The following COX6B1 variants were observed in gnomAD, a reference collection of about 807,000 sequenced individuals.
COX6B1 encodes cytochrome c oxidase subunit 6B1, also known as COX VIb-1.
COX6B1 carries 2 observed loss-of-function variants against 14.0 expected under a neutral mutation model. The observed-to-expected ratio is 0.14, with a 90% confidence interval of 0.06 to 0.45. The LOEUF (loss-of-function observed/expected upper bound fraction) is 0.45, where lower values mean the gene tolerates loss of function less well. Among genes scored for constraint, COX6B1 ranks in the 20% least tolerant of loss-of-function variants. The probability of loss-of-function intolerance (pLI) is 0.98; values close to 1 mark genes in which losing one functional copy is unlikely to be tolerated. For synonymous variants in COX6B1, 30 were observed against 39.7 expected (o/e 0.76, Z 0.92); for missense variants, 81 against 114.2 (o/e 0.71, Z 1.33).
chr19:35,658,745 A>G lies in COX6B1; in HGVS notation c.*98A>G. On this transcript the variant is annotated 3_prime_UTR_variant, in exon 4 of 4. Transcript: ENST00000649813. ...GATCCCCACCCCAGGATCCTAAATC[A>G]TGACTTACCTGCTAATAAAAACTCA... The G allele has an allele frequency of 9.2e-7, 1 of 1,084,890 alleles. No individual in the cohort carries two copies. Among genetic ancestry groups the G allele is most frequent in the African/African-American group, 1.5e-5 (1 of 64,738 alleles). 67.2% of individuals were successfully genotyped at this position (1,084,890 alleles called of 1,614,324 possible). A position where few individuals can be genotyped will look rare whatever the true frequency, so the allele number is the denominator to read the frequency against.
intron 1 of COX6B1, among the ~76,000 whole-genome samples, 153 bp from the exon 2 acceptor site, chr19:35,651,080 G>A (rs781084001): frequency 2.0e-5 from 3 of 152,066 alleles, no homozygotes; most frequent in Admixed American, 6.6e-5. Flanking sequence ...GTGTGGATTC[G>A]CCCTGCCCCT....
intron 1 of COX6B1, chr19:35,648,699 G>A (rs1967788492): frequency 2.5e-6 from 1 of 399,020 alleles, no homozygotes; most frequent in Admixed American, 2.8e-5. Context: ...AAGCGACCTA[G>A]CTGAACCTAC....
intron 3 of COX6B1, among the ~76,000 whole-genome samples, chr19:35,656,049 G>T (rs889449350): frequency 1.3e-5 from 2 of 151,880 alleles, no homozygotes; most frequent in African/African-American, 4.8e-5. Flanking sequence ...GACTGGTCTC[G>T]AACTCCTGAG....
chr19:35,656,450 C>T (rs1301751593), intron 3 of COX6B1, among the ~76,000 whole-genome samples: 2 of 147,586 alleles, frequency 1.4e-5, no homozygotes, highest in Admixed American at 6.8e-5. Flanking sequence ...ACCGCTGGCA[C>T]TTATTATGGG....
At chr19:35,649,140 A>G (rs1967796220) in intron 1 of COX6B1, among the ~76,000 whole-genome samples, 1 of 152,072 alleles carries the variant, frequency 6.6e-6, no homozygotes, top group African/African-American at 2.4e-5. Flanking sequence ...GAGACATTAT[A>G]TTAAAGGTGT....
At chr19:35,658,535 TAAG>T in intron 3 of COX6B1, 56 bp from the exon 4 acceptor site, 1 of 1,485,608 alleles carries the variant, frequency 6.7e-7, no homozygotes, top group Non-Finnish European at 9.4e-7. Flanking sequence ...GTGAGGAAGA[TAAG>T]AAGTCCATCC....
rs975955484 is a variant in COX6B1 at position 35,658,516 on chromosome 19, G to C, written c.208-78G>C. The C allele has an allele frequency of 4.5e-6, 6 of 1,326,892 alleles. No individual in the cohort carries two copies. The African/African-American group carries it at 7.2e-5, about 16-fold the overall frequency. 82.2% of individuals were successfully genotyped at this position (1,326,892 alleles called of 1,614,324 possible). On this transcript the variant is annotated intron_variant, in intron 3 of 3. Coordinates refer to ENST00000649813, the MANE Select transcript of COX6B1 (RefSeq NM_001863.5). ...CTGTGGATATTGGTTGAACAAACAG[G>C]TGGGCAAAGTGAGGAAGATAAGAAG...
chr19:35,652,164 G>A (rs1568342448), intron 2 of COX6B1, among the ~76,000 whole-genome samples: 1 of 151,876 alleles, frequency 6.6e-6, no homozygotes, highest in East Asian at 1.9e-4. Context: ...CAAGTAGCTG[G>A]GATTACAGGC....
intron 3 of COX6B1, among the ~76,000 whole-genome samples, chr19:35,656,757 CGG>C (rs1264557857): frequency 6.6e-6 from 1 of 152,024 alleles, no homozygotes; most frequent in Admixed American, 6.6e-5. Context: ...CTGGGATTAC[CGG>C]CGTGAGCCAC....
intron 3 of COX6B1, among the ~76,000 whole-genome samples, chr19:35,657,783 AG>A (rs1967903792): frequency 3.3e-5 from 5 of 150,344 alleles, no homozygotes; most frequent in Admixed American, 2.7e-4. Flanking sequence ...CAGCCTCCCT[AG>A]TAGCTGTGAC....
Position 35,654,690 on chromosome 19 carries a change from G to A in COX6B1, c.207+19G>A, listed in dbSNP as rs368757567. ...ATCCTGGGTATGTGCCTCCTGCCAGGGCCCTTGGGATGCTGGGGTGGGGTC... is the reference window on the plus strand; with the variant it reads ...ATCCTGGGTATGTGCCTCCTGCCAGAGCCCTTGGGATGCTGGGGTGGGGTC... On this transcript the variant is annotated intron_variant, in intron 3 of 3. Coordinates refer to ENST00000649813, the MANE Select transcript of COX6B1 (RefSeq NM_001863.5). The A allele has an allele frequency of 1.1e-4, 179 of 1,611,256 alleles. No individual in the cohort carries two copies. Among genetic ancestry groups the A allele is most frequent in the Non-Finnish European group, 1.5e-4 (172 of 1,177,606 alleles).
At position 35,654,685 on chromosome 19, in the gene COX6B1, G is replaced by A; in HGVS notation, c.207+14G>A. The stretch of plus-strand genomic sequence containing the variant: ...CCCACATCCTGGGTATGTGCCTCCT[G>A]CCAGGGCCCTTGGGATGCTGGGGTG... On this transcript the variant is annotated intron_variant, in intron 3 of 3. Coordinates refer to ENST00000649813, the MANE Select transcript of COX6B1 (RefSeq NM_001863.5). The A allele has an allele frequency of 6.2e-7, 1 of 1,612,520 alleles. No individual in the cohort carries two copies. Among genetic ancestry groups the A allele is most frequent in the South Asian group, 1.1e-5 (1 of 91,050 alleles).
At chr19:35,654,489 C>T in intron 2 of COX6B1, 82 bp from the exon 3 acceptor site, 1 of 1,166,204 alleles carries the variant, frequency 8.6e-7, no homozygotes, top group Non-Finnish European at 1.3e-6. Context: ...GCCTGAGTGA[C>T]AGATTGAGAC....
At position 35,654,707 on chromosome 19, in the gene COX6B1, G is replaced by A. The variant is rs771102634; in HGVS notation, c.207+36G>A. ...CCTGCCAGGGCCCTTGGGATGCTGG[G>A]GTGGGGTCTTAGCAGAGGGGAGTGT... is the stretch of plus-strand genomic sequence containing the variant. On this transcript the variant is annotated intron_variant, in intron 3 of 3. Coordinates refer to ENST00000649813, the MANE Select transcript of COX6B1 (RefSeq NM_001863.5). The A allele has an allele frequency of 6.3e-6, 10 of 1,596,174 alleles. No individual in the cohort carries two copies. In the African/African-American group the frequency reaches 1.3e-4, roughly 21 times the overall value.
At chr19:35,651,802 C>A (rs924690013) in intron 2 of COX6B1, among the ~76,000 whole-genome samples, 1 of 151,930 alleles carries the variant, frequency 6.6e-6, no homozygotes. Flanking sequence ...TGGCTTCATG[C>A]GCTCTTCCTG....
At chr19:35,658,571 G>A (rs1341586828) in intron 3 of COX6B1, 23 bp from the exon 4 acceptor site, 1 of 1,611,370 alleles carries the variant, frequency 6.2e-7, no homozygotes, top group Non-Finnish European at 8.5e-7. Flanking sequence ...CACTGCGGAG[G>A]GAATAACACT....
Position 35,651,321 on chromosome 19 carries a change from G to A in COX6B1, c.78G>A (p.Gln26=). The change falls in exon 2 of 4, where the codon CAG becomes CAA. Residue 26 remains glutamine (Q), a synonymous_variant. Transcript: ENST00000649813. Reference sequence around the variant, plus strand: ...ACAGCCGCTTCCCCAACCAGAACCAGACTAGAAACTGCTGGCAGAACTACC... The same window carrying A: ...ACAGCCGCTTCCCCAACCAGAACCAAACTAGAAACTGCTGGCAGAACTACC... The part of the protein sequence containing the change: ...PFDSRFPNQN[Q]TRNCWQNYLD... The A allele has an allele frequency of 1.2e-6, 2 of 1,614,002 alleles. No individual in the cohort carries two copies. Among genetic ancestry groups the A allele is most frequent in the African/African-American group, 1.3e-5 (1 of 74,998 alleles).
chr19:35,658,520 G>A (rs1967911624), intron 3 of COX6B1, 74 bp from the exon 4 acceptor site: 1 of 1,369,214 alleles, frequency 7.3e-7, no homozygotes, highest in Non-Finnish European at 1.0e-6. Context: ...AAACAGGTGG[G>A]CAAAGTGAGG....
intron 1 of COX6B1, among the ~76,000 whole-genome samples, chr19:35,650,196 G>A (rs1364997863): frequency 6.6e-6 from 1 of 151,682 alleles, no homozygotes; most frequent in African/African-American, 2.4e-5. Context: ...TAGAGCCAGG[G>A]TTTCACCATG....
Sources: gnomAD v4.1 joint callset for allele counts (sites outside exome capture counted in the v4.1 genomes callset) on GRCh38, gnomAD v4.1.1 for gene constraint, MANE v1.5 for transcripts, NCBI Gene and HGNC (gene_info 2026-07-23, HGNC 2026-07-21) for gene names.